ZBTB8A: variants seen among roughly 807,000 people sequenced by gnomAD.
ZBTB8A encodes zinc finger and BTB domain containing 8A, also known as zinc finger and BTB domain-containing protein 8A.
Under a neutral mutation model 37.8 loss-of-function variants are expected in ZBTB8A, and 19 were observed. The ratio of observed to expected loss-of-function variants is 0.50; its 90% CI spans 0.35 to 0.74. The LOEUF (loss-of-function observed/expected upper bound fraction) is 0.74. Ranked by LOEUF, ZBTB8A falls within the 30% of genes least tolerant of loss-of-function variation. The probability of loss-of-function intolerance (pLI) is 0.01; values close to 1 mark genes in which losing one functional copy is unlikely to be tolerated. For synonymous variants in ZBTB8A, 181 were observed against 185.2 expected (o/e 0.98, Z 0.19); for missense variants, 394 against 537.8 (o/e 0.73, Z 2.65).
intron 1 of ZBTB8A, among the ~76,000 whole-genome samples, chr1:32,552,679 C>T (rs1053199407): frequency 6.6e-6 from 1 of 150,804 alleles, no homozygotes; most frequent in Non-Finnish European, 1.5e-5. Context: ...AACACCAAAA[C>T]GAAACGAAAA....
In ZBTB8A at chr1:32,593,015, T is replaced by C; in HGVS notation, c.84T>C (p.Ile28=). ...RRQDVFCDCS[I]LVEGKVFKAH... is the part of the protein sequence containing the mutation. ...AAGATGTATTTTGTGACTGCAGTAT[T>C]CTAGTTGAAGGGAAGGTCTTCAAAG... Residue 28 remains isoleucine (I), a synonymous_variant, in exon 3 of 5, where the codon ATT becomes ATC. Coordinates refer to ENST00000373510, the MANE Select transcript of ZBTB8A (RefSeq NM_001040441.3). The C allele has an allele frequency of 1.2e-6, 2 of 1,614,212 alleles. No individual in the cohort carries two copies. The highest frequency in any genetic ancestry group is 1.7e-6 in the Non-Finnish European group (2 of 1,180,040).
chr1:32,548,526 GT>G (rs1434421599), intron 1 of ZBTB8A, among the ~76,000 whole-genome samples: 10 of 151,998 alleles, frequency 6.6e-5, no homozygotes, highest in East Asian at 5.8e-4. Flanking sequence ...TAGAGATGGG[GT>G]TTTGCCATGT....
intron 2 of ZBTB8A, among the ~76,000 whole-genome samples, chr1:32,557,354 G>C (rs758448311): frequency 3.9e-5 from 6 of 152,102 alleles, no homozygotes; most frequent in Admixed American, 2.6e-4. Context: ...CTGGGATTTT[G>C]TTTTTGTTTG....
intron 2 of ZBTB8A, among the ~76,000 whole-genome samples, chr1:32,578,817 G>A (rs1446207466): frequency 2.6e-5 from 4 of 152,024 alleles, no homozygotes; most frequent in African/African-American, 4.8e-5. Flanking sequence ...GGACTCAAGC[G>A]ATCCTGCTGC....
intron 1 of ZBTB8A, among the ~76,000 whole-genome samples, chr1:32,546,634 G>T (rs1218877855): frequency 1.3e-5 from 2 of 151,960 alleles, no homozygotes; most frequent in Non-Finnish European, 2.9e-5. Flanking sequence ...CTTGTCTCAA[G>T]AATTTAAAAA....
chr1:32,556,290 G>A (rs777206163), intron 2 of ZBTB8A, among the ~76,000 whole-genome samples: 38 of 152,000 alleles, frequency 2.5e-4, no homozygotes, highest in Non-Finnish European at 5.0e-4. Flanking sequence ...GGCTGGTCTC[G>A]AACTCCTGAC....
intron 2 of ZBTB8A, among the ~76,000 whole-genome samples, chr1:32,579,748 C>T (rs1047093792): frequency 2.0e-5 from 3 of 152,120 alleles, no homozygotes; most frequent in Non-Finnish European, 4.4e-5. Context: ...CAGTCGCATA[C>T]TCACTGATTT....
chr1:32,550,419 C>T (rs1246243161), intron 1 of ZBTB8A, among the ~76,000 whole-genome samples: 1 of 151,928 alleles, frequency 6.6e-6, no homozygotes, highest in Non-Finnish European at 1.5e-5. Flanking sequence ...GAGTTCGAGA[C>T]CACCCTGGGC....
chr1:32,570,857 G>C (rs1437566013), intron 2 of ZBTB8A, among the ~76,000 whole-genome samples: 1 of 149,728 alleles, frequency 6.7e-6, no homozygotes, highest in Non-Finnish European at 1.5e-5. Context: ...CTTTTTCCTT[G>C]TTACTCTTTA....
At chr1:32,563,313 C>T (rs1212880523) in intron 2 of ZBTB8A, among the ~76,000 whole-genome samples, 2 of 152,044 alleles carry the variant, frequency 1.3e-5, no homozygotes, top group Non-Finnish European at 2.9e-5. Context: ...GGGAGGATCC[C>T]GTGGGCCCAG....
At chr1:32,562,514 G>T (rs907773186) in intron 2 of ZBTB8A, among the ~76,000 whole-genome samples, 2 of 147,924 alleles carry the variant, frequency 1.4e-5, no homozygotes, top group East Asian at 4.0e-4. Flanking sequence ...CAGGTGATCC[G>T]CCTGCCTCGG....
chr1:32,594,206 A>AGG, intron 3 of ZBTB8A, among the ~76,000 whole-genome samples: 1 of 152,022 alleles, frequency 6.6e-6, no homozygotes, highest in African/African-American at 2.4e-5. Context: ...AAAAACAAAA[A>AGG]AAGAAGAAAT....
At position 32,562,569 on chromosome 1, in the gene ZBTB8A, C is replaced by CTT. The variant is rs751648634; in HGVS notation, c.-2+9050_-2+9051dup. ...TATAGGCCTGAGCCACCGCGTCCGG[C>CTT]TTTTTTTTTTTTTTTTTTTTTTGAT... is the stretch of plus-strand genomic sequence containing the variant. On this transcript the variant is annotated intron_variant, in intron 2 of 4. Transcript: ENST00000373510. Among the ~76,000 whole-genome samples the CTT allele has an allele frequency of 5.5e-3, 616 of 111,840 alleles. 14 individuals are homozygous for CTT. The highest frequency in any genetic ancestry group is 9.1e-3 in the Non-Finnish European group (509 of 56,026). The allele number at this position is 111,840 out of a possible 152,430, so 73.4% of individuals were successfully genotyped here. A position where few individuals can be genotyped will look rare whatever the true frequency, so the allele number is the denominator to read the frequency against.
At chr1:32,573,636 G>A (rs1174438621) in intron 2 of ZBTB8A, among the ~76,000 whole-genome samples, 2 of 144,598 alleles carry the variant, frequency 1.4e-5, no homozygotes, top group Non-Finnish European at 3.0e-5. Flanking sequence ...GTTTCACTAT[G>A]TTGCCCAGGC....
rs1313436729 is a variant in ZBTB8A, at chr1:32,596,573, ACTGT to A, written c.993+1353_993+1356del. On this transcript the variant is annotated intron_variant, in intron 4 of 4. Transcript: ENST00000373510. ...TCCAGCCTGAATGACAGAGTGAGAC[ACTGT>A]CTAAAACAAAAAACAAACAAAAAAA... is the stretch of plus-strand genomic sequence containing the variant. Among the ~76,000 whole-genome samples the A allele has an allele frequency of 5.9e-5, 9 of 151,386 alleles. No individual in the cohort carries two copies. In the East Asian group the frequency reaches 1.8e-3, roughly 29 times the overall value.
chr1:32,577,874 C>T (rs59825594), intron 2 of ZBTB8A, among the ~76,000 whole-genome samples: 19,077 of 151,714 alleles, frequency 0.13, 1,640 homozygotes, highest in African/African-American at 0.24. Context: ...TGAGCCACTT[C>T]ACTTGGCCCA....
At chr1:32,554,975 T>C (rs1468292185) in intron 2 of ZBTB8A, among the ~76,000 whole-genome samples, 1 of 152,212 alleles carries the variant, frequency 6.6e-6, no homozygotes, top group African/African-American at 2.4e-5. Flanking sequence ...TACTTGCCCA[T>C]GGACATAATG....
At chr1:32,556,598 C>A (rs770705771) in intron 2 of ZBTB8A, among the ~76,000 whole-genome samples, 4 of 152,180 alleles carry the variant, frequency 2.6e-5, no homozygotes, top group African/African-American at 9.7e-5. Flanking sequence ...AGGTATAGGG[C>A]CGGGCACAGT....
chr1:32,588,146 G>A (rs1644462518), intron 2 of ZBTB8A, among the ~76,000 whole-genome samples: 1 of 152,022 alleles, frequency 6.6e-6, no homozygotes. Flanking sequence ...TAAGTTCTGT[G>A]AGCTACTCTA....
Sources: gnomAD v4.1 joint callset for allele counts (sites outside exome capture counted in the v4.1 genomes callset) on GRCh38, gnomAD v4.1.1 for gene constraint, MANE v1.5 for transcripts, NCBI Gene and HGNC (gene_info 2026-07-23, HGNC 2026-07-21) for gene names.